Variants in PRSS12 observed in about 807,000 individuals in gnomAD.
The protein encoded by PRSS12 is neurotrypsin.
In PRSS12, 85 loss-of-function variants were observed where a neutral mutation model predicts 104.4. That is an observed-to-expected ratio of 0.81 (90% CI 0.68 to 0.98). The LOEUF is 0.98. Ranked by LOEUF, PRSS12 falls within the 50% of genes least tolerant of loss-of-function variation. The probability of loss-of-function intolerance (pLI) is 0.00; values close to 1 mark genes in which losing one functional copy is unlikely to be tolerated. For synonymous variants in PRSS12, 454 were observed against 425.2 expected (o/e 1.07, Z -0.83); for missense variants, 1,141 against 1,139.2 (o/e 1.00, Z -0.02).
intron 1 of PRSS12, among the ~76,000 whole-genome samples, 179 bp downstream of exon 1, chr4:118,352,040 T>G (rs183351435): frequency 2.0e-5 from 3 of 152,054 alleles, no homozygotes; most frequent in Non-Finnish European, 4.4e-5. Flanking sequence ...CTGGCTTAGA[T>G]TTGCAGCACC....
intron 1 of PRSS12, among the ~76,000 whole-genome samples, chr4:118,348,105 T>G (rs1724402601): frequency 6.6e-6 from 1 of 152,170 alleles, no homozygotes. Context: ...TTAGCTGGAC[T>G]GTAGTCCCAG....
Position 118,282,019 on chromosome 4 carries a change from C to G in PRSS12, c.2545G>C (p.Gly849Arg), listed in dbSNP as rs1343608421. The change falls in exon 13 of 13, where the codon GGC becomes CGC. Residue 849 changes from glycine to arginine, a missense_variant. By Grantham distance (125) the Gly-to-Arg change is moderately radical. Transcript: ENST00000296498. ...VVYGVTSWGYGCGVKDSPGVY... is the reference protein window; with the variant it reads ...VVYGVTSWGYRCGVKDSPGVY... ...CCAGGAGAATCCTTGACTCCACAGC[C>G]ATACCCCCAGGAGGTCACCCCATAC... The G allele has an allele frequency of 6.2e-7, 1 of 1,610,520 alleles. No individual in the cohort carries two copies. The highest frequency in any genetic ancestry group is 2.2e-5 in the East Asian group (1 of 44,862).
chr4:118,319,943 C>T (rs1723565138), intron 4 of PRSS12, among the ~76,000 whole-genome samples: 2 of 152,180 alleles, frequency 1.3e-5, no homozygotes, highest in Non-Finnish European at 2.9e-5. Flanking sequence ...CCCAAAAGTG[C>T]TGGGATTACA....
At chr4:118,336,889 T>G (rs1724076666) in intron 2 of PRSS12, among the ~76,000 whole-genome samples, 1 of 152,208 alleles carries the variant, frequency 6.6e-6, no homozygotes, top group Non-Finnish European at 1.5e-5. Flanking sequence ...CCTGCCCACT[T>G]GCCAATTGTC....
In PRSS12 at chr4:118,281,964, G is replaced by T; in HGVS notation, c.2600C>A (p.Pro867His). ...CAGTTTGGTGACACTTTTTATCCAA[G>T]GTACAAAGGCTGAGACTTTGGTATA... ...GVYTKVSAFV[P>H]WIKSVTKL Residue 867 changes from proline (P) to histidine (H), a missense_variant, in exon 13 of 13, where the codon CCT becomes CAT. Pro to His is a moderately conservative substitution (Grantham distance 77). Coordinates refer to ENST00000296498, the MANE Select transcript of PRSS12 (RefSeq NM_003619.4). 1 of 1,424,810 alleles carries T rather than the reference G, an allele frequency of 7.0e-7. No individual in the cohort carries two copies. Among genetic ancestry groups the T allele is most frequent in the Non-Finnish European group, 9.9e-7 (1 of 1,007,068 alleles). The allele number at this position is 1,424,810 out of a possible 1,614,324, so 88.3% of individuals were successfully genotyped here. A position where few individuals can be genotyped will look rare whatever the true frequency, so the allele number is the denominator to read the frequency against.
intron 12 of PRSS12, 56 bp downstream of exon 12, chr4:118,282,775 T>C (rs1289237315): frequency 1.9e-6 from 3 of 1,609,778 alleles, no homozygotes; most frequent in African/African-American, 1.3e-5. Context: ...CACACCCAAA[T>C]ATATGGATAA....
chr4:118,299,672 C>T (rs1743342616), intron 8 of PRSS12, among the ~76,000 whole-genome samples: 1 of 142,804 alleles, frequency 7.0e-6, no homozygotes, highest in Admixed American at 7.1e-5. Flanking sequence ...AAGAGCAAAA[C>T]TCTGTCTCAA....
At chr4:118,335,385 A>G (rs2126041663) in intron 3 of PRSS12, 88 bp downstream of exon 3, 1 of 1,469,402 alleles carries the variant, frequency 6.8e-7, no homozygotes, top group African/African-American at 1.4e-5. Context: ...CTTTAAGGAA[A>G]TGATTATAAC....
At chr4:118,289,734 G>A (rs1274173946) in intron 11 of PRSS12, among the ~76,000 whole-genome samples, 2 of 152,128 alleles carry the variant, frequency 1.3e-5, no homozygotes, top group South Asian at 2.1e-4. Context: ...CTCCTTAGGC[G>A]CTTCAAACAG....
rs767514798 is a variant in PRSS12 at position 118,313,199 on chromosome 4, ACC to A, written c.1489_1489+1del. ...AACTTGAGAGCTGCAGCCAGTCCTC[ACC>A]CAGAGAGAGCCTGTGTCCCTCGCCG... is the stretch of plus-strand genomic sequence containing the variant. On this transcript the variant is annotated splice_donor_variant and coding_sequence_variant, in exon 7 of 13. Transcript: ENST00000296498. LOFTEE classifies it high-confidence loss of function. The A allele has an allele frequency of 9.2e-5, 148 of 1,612,842 alleles. 2 individuals are homozygous for A. In the South Asian group the frequency reaches 1.6e-3, roughly 17 times the overall value.
At chr4:118,294,894 A>G (rs1743217578) in intron 11 of PRSS12, 45 bp downstream of exon 11, 1 of 1,612,170 alleles carries the variant, frequency 6.2e-7, no homozygotes, top group African/African-American at 1.3e-5. Flanking sequence ...GGAAGAACTG[A>G]TGAATAGAAG....
At chr4:118,335,873 A>T (rs995825554) in intron 2 of PRSS12, among the ~76,000 whole-genome samples, 6 of 152,216 alleles carry the variant, frequency 3.9e-5, no homozygotes, top group African/African-American at 1.4e-4. Flanking sequence ...CATCAATCTT[A>T]AATAACTACT....
At chr4:118,312,976 T>A in intron 7 of PRSS12, 1 of 567,194 alleles carries the variant, frequency 1.8e-6, no homozygotes, top group South Asian at 2.1e-5. Flanking sequence ...GGAACTTAAT[T>A]TTCTAAGTAA....
chr4:118,309,809 T>A (rs1444853467), intron 7 of PRSS12, among the ~76,000 whole-genome samples: 2 of 152,322 alleles, frequency 1.3e-5, no homozygotes, highest in South Asian at 2.1e-4. Flanking sequence ...TAAACCAATA[T>A]GTGAAGTTAC....
At chr4:118,298,170 T>C (rs1005846650) in intron 9 of PRSS12, among the ~76,000 whole-genome samples, 2 of 151,476 alleles carry the variant, frequency 1.3e-5, no homozygotes, top group Admixed American at 6.6e-5. Context: ...ATTAAATGTA[T>C]GCAGAGCTTT....
chr4:118,306,735 A>AT (rs1449396890), intron 8 of PRSS12, among the ~76,000 whole-genome samples: 2 of 152,192 alleles, frequency 1.3e-5, no homozygotes, highest in Non-Finnish European at 2.9e-5. Context: ...TATCCAAACT[A>AT]TATCAATGAT....
In PRSS12 at chr4:118,352,844, A is replaced by G. The variant is rs1724561973; in HGVS notation, c.-124T>C. 1.3e-6 allele frequency: 2 copies of G among 1,489,442 alleles called. No individual in the cohort carries two copies. The highest frequency in any genetic ancestry group is 2.8e-5 in the African/African-American group (2 of 70,462). The allele number at this position is 1,489,442 out of a possible 1,614,324, so 92.3% of individuals were successfully genotyped here. On this transcript the variant is annotated 5_prime_UTR_variant, in exon 1 of 13. Transcript: ENST00000296498. ...TCCCCCAGCCCCCTCCCGCCCCCGCACGCGGACCGCCCTCGCCTCCCCAAC... is the reference window on the plus strand; with the variant it reads ...TCCCCCAGCCCCCTCCCGCCCCCGCGCGCGGACCGCCCTCGCCTCCCCAAC...
chr4:118,330,176 C>T lies in PRSS12; in HGVS notation c.971+1540G>A, dbSNP rs530819237. The stretch of plus-strand genomic sequence containing the variant: ...CCCATAGTCAGTTTCAGGGGGAAAT[C>T]TAACTTTACAGTAAAGGATCAGGCT... On this transcript the variant is annotated intron_variant, in intron 4 of 12. Transcript: ENST00000296498. Among the ~76,000 whole-genome samples, 23 of 152,234 alleles carry T rather than the reference C, an allele frequency of 1.5e-4. No homozygotes were observed. In the South Asian group the frequency reaches 4.6e-3, roughly 30 times the overall value.
intron 4 of PRSS12, among the ~76,000 whole-genome samples, chr4:118,323,682 T>G (rs921669413): frequency 1.3e-5 from 2 of 151,730 alleles, no homozygotes; most frequent in African/African-American, 4.8e-5. Flanking sequence ...ACATACAAAT[T>G]GAAAACTACC....
Sources: gnomAD v4.1 joint callset for allele counts (sites outside exome capture counted in the v4.1 genomes callset) on GRCh38, gnomAD v4.1.1 for gene constraint, MANE v1.5 for transcripts, NCBI Gene and HGNC (gene_info 2026-07-23, HGNC 2026-07-21) for gene names.